Variants in GABRG3 observed in about 807,000 individuals in gnomAD.
The protein encoded by GABRG3 is gamma-aminobutyric acid type A receptor subunit gamma3, also known as gamma-aminobutyric acid receptor subunit gamma-3.
GABRG3 carries 25 observed loss-of-function variants against 48.8 expected under a neutral mutation model. The ratio of observed to expected loss-of-function variants is 0.51; its 90% CI spans 0.37 to 0.72. The LOEUF (loss-of-function observed/expected upper bound fraction) is 0.72. Among genes scored for constraint, GABRG3 ranks in the 30% least tolerant of loss-of-function variants. The pLI is 0.00. For missense variants in GABRG3, 394 were observed against 577.9 expected (o/e 0.68, Z 3.26); for synonymous variants, 227 against 217.6 (o/e 1.04, Z -0.38).
intron 6 of GABRG3, among the ~76,000 whole-genome samples, chr15:27,496,381 G>C (rs1295557303): frequency 1.3e-5 from 2 of 152,224 alleles, no homozygotes; most frequent in African/African-American, 4.8e-5. Flanking sequence ...GTGTTCTGTT[G>C]TGTGAGGCTG....
In GABRG3 at chr15:27,065,968, C is replaced by A. The variant is rs145268015; in HGVS notation, c.270+39147C>A. Among the ~76,000 whole-genome samples, 202 of 152,272 alleles carry A rather than the reference C, an allele frequency of 1.3e-3. 1 individual carries two copies. Among genetic ancestry groups the A allele is most frequent in the African/African-American group, 4.2e-3 (175 of 41,548 alleles). The stretch of plus-strand genomic sequence containing the variant: ...TTATACTTTTAATGGGAAAAATATT[C>A]TCTGCAGGAAGATGACATTTGCCTC... On this transcript the variant is annotated intron_variant, in intron 3 of 9. Coordinates refer to ENST00000615808, the MANE Select transcript of GABRG3 (RefSeq NM_033223.5).
In GABRG3 at chr15:27,303,664, G is replaced by A. The variant is rs1892289574; in HGVS notation, c.271-23145G>A. 4.6e-5 allele frequency among the ~76,000 whole-genome samples: 7 copies of A among 150,548 alleles called. 1 individual carries two copies. The South Asian group carries it at 1.5e-3, about 31-fold the overall frequency. On this transcript the variant is annotated intron_variant, in intron 3 of 9. Coordinates refer to ENST00000615808, the MANE Select transcript of GABRG3 (RefSeq NM_033223.5). ...GACACCAAAATCTGACAAGAAAAAAGAAAACTACACAATATATTTCATGGA... is the reference window on the plus strand; with the variant it reads ...GACACCAAAATCTGACAAGAAAAAAAAAAACTACACAATATATTTCATGGA...
At chr15:27,267,401 C>A (rs1169644022) in intron 3 of GABRG3, among the ~76,000 whole-genome samples, 1 of 151,614 alleles carries the variant, frequency 6.6e-6, no homozygotes, top group Non-Finnish European at 1.5e-5. Flanking sequence ...GCCACTGCAC[C>A]TGGCCATCTT....
chr15:27,449,850 G>A (rs1415955202), intron 5 of GABRG3, among the ~76,000 whole-genome samples: 1 of 152,208 alleles, frequency 6.6e-6, no homozygotes, highest in East Asian at 1.9e-4. Context: ...AAATAATCTT[G>A]TGTTCTCAAA....
chr15:27,432,571 C>G (rs1159720940), intron 5 of GABRG3, among the ~76,000 whole-genome samples: 3 of 152,130 alleles, frequency 2.0e-5, no homozygotes, highest in African/African-American at 7.2e-5. Context: ...AATATTCTAC[C>G]TTTTGATGTT....
At chr15:27,037,306 C>A (rs549951493) in intron 3 of GABRG3, among the ~76,000 whole-genome samples, 2 of 152,290 alleles carry the variant, frequency 1.3e-5, no homozygotes, top group South Asian at 4.2e-4. Flanking sequence ...CAGGTCCTGT[C>A]CATATATAAG....
chr15:27,400,471 G>C (rs12595367), intron 5 of GABRG3, among the ~76,000 whole-genome samples: 8,629 of 152,222 alleles, frequency 0.057, 343 homozygotes, highest in South Asian at 0.19. Context: ...AAGATACTAT[G>C]CTTTGATGTT....
intron 5 of GABRG3, among the ~76,000 whole-genome samples, chr15:27,461,776 C>G (rs1477784709): frequency 2.0e-5 from 3 of 152,186 alleles, no homozygotes; most frequent in Admixed American, 1.3e-4. Context: ...AAGTCCCCGC[C>G]AGACCCATAA....
At chr15:27,151,806 C>T (rs182715576) in intron 3 of GABRG3, among the ~76,000 whole-genome samples, 8 of 152,310 alleles carry the variant, frequency 5.3e-5, no homozygotes, top group Admixed American at 6.5e-5. Context: ...TTTCCCCTAG[C>T]GCCTCCAGAA....
chr15:27,027,674 A>G (rs1896008887), intron 3 of GABRG3, among the ~76,000 whole-genome samples: 1 of 152,198 alleles, frequency 6.6e-6, no homozygotes, highest in Admixed American at 6.5e-5. Flanking sequence ...GTAAAGTTAT[A>G]TTTGTGGGTG....
chr15:27,500,290 G>C (rs528286684), intron 6 of GABRG3, among the ~76,000 whole-genome samples: 17 of 152,248 alleles, frequency 1.1e-4, no homozygotes, highest in East Asian at 7.7e-4. Context: ...ACTGTTGCTA[G>C]AGGCCCGGTT....
At chr15:27,307,450 T>TATAGGTTTATATATTTATATATAAAC (rs1595661878) in intron 3 of GABRG3, among the ~76,000 whole-genome samples, 1 of 67,874 alleles carries the variant, frequency 1.5e-5, no homozygotes, top group East Asian at 2.6e-4. Flanking sequence ...TATATAAACA[T>TATAGGTTTATATATTTATATATAAAC]ATAGGTTTAT....
intron 5 of GABRG3, among the ~76,000 whole-genome samples, chr15:27,369,880 C>T (rs2093916814): frequency 6.6e-6 from 1 of 151,186 alleles, no homozygotes; most frequent in Non-Finnish European, 1.5e-5. Context: ...GGGCACGGAC[C>T]CAGATCTCCA....
chr15:27,127,665 A>C (rs921559272), intron 3 of GABRG3, among the ~76,000 whole-genome samples: 1 of 152,206 alleles, frequency 6.6e-6, no homozygotes, highest in African/African-American at 2.4e-5. Flanking sequence ...ACACGTGCTT[A>C]AGCAGTGTTT....
At chr15:27,214,090 A>C (rs560922570) in intron 3 of GABRG3, among the ~76,000 whole-genome samples, 1 of 152,212 alleles carries the variant, frequency 6.6e-6, no homozygotes, top group African/African-American at 2.4e-5. Context: ...AACTGAGGCA[A>C]TCTGGAGAAG....
At chr15:26,987,283 G>A (rs1895170052) in intron 2 of GABRG3, among the ~76,000 whole-genome samples, 2 of 152,154 alleles carry the variant, frequency 1.3e-5, no homozygotes, top group African/African-American at 2.4e-5. Context: ...ACAGTGCTTC[G>A]GCTTCTGTTT....
chr15:27,216,441 A>G (rs1486432925), intron 3 of GABRG3, among the ~76,000 whole-genome samples: 10 of 152,216 alleles, frequency 6.6e-5, no homozygotes. Flanking sequence ...GGGAGTGGGC[A>G]TTCCACAGCT....
In GABRG3 at chr15:27,214,938, G is replaced by A. The variant is rs560768238; in HGVS notation, c.271-111871G>A. Among the ~76,000 whole-genome samples the A allele has an allele frequency of 3.3e-5, 5 of 152,300 alleles. 1 individual carries two copies. The highest frequency in any genetic ancestry group is 1.2e-4 in the African/African-American group (5 of 41,568). On this transcript the variant is annotated intron_variant, in intron 3 of 9. Transcript: ENST00000615808. ...CCAAAAGGTCCAAATCCTGTGATTA[G>A]CTATTAAAATGAGTTGCATGGAACC...
chr15:27,020,573 G>T (rs1310203713), intron 2 of GABRG3, among the ~76,000 whole-genome samples: 1 of 111,764 alleles, frequency 8.9e-6, no homozygotes, highest in African/African-American at 3.6e-5. Flanking sequence ...CACCACGCCC[G>T]GCTAATTTTT....
Sources: allele counts gnomAD v4.1 joint callset (sites outside exome capture counted in the v4.1 genomes callset), GRCh38; gene constraint gnomAD v4.1.1; transcripts MANE v1.5; gene names NCBI Gene and HGNC (gene_info 2026-07-23, HGNC 2026-07-21).